Variants in TEX9 observed in about 807,000 individuals in gnomAD.
TEX9 encodes testis-expressed protein 9.
Under a neutral mutation model 59.6 loss-of-function variants are expected in TEX9, and 74 were observed. That is an observed-to-expected ratio of 1.24 (90% CI 1.03 to 1.51). The LOEUF is 1.51. Ranked by LOEUF, TEX9 falls within the 40% of genes most tolerant of loss-of-function variation. The pLI, the probability that TEX9 is intolerant of heterozygous loss-of-function variation, is 0.00. For missense variants in TEX9, 522 were observed against 447.8 expected (o/e 1.17, Z -1.49); for synonymous variants, 186 against 152.2 (o/e 1.22, Z -1.64).
chr15:56,428,625 T>TTTAAG (rs1329205101), intron 12 of TEX9: 3 of 489,544 alleles, frequency 6.1e-6, no homozygotes, highest in African/African-American at 3.9e-5. Flanking sequence ...TGAGTTGTTT[T>TTTAAG]TTAAGTTCTT....
rs965956208 is a variant in TEX9, at chr15:56,271,636, A to T, written c.-107+27358A>T. ...TATCCCAGGAAATGTTCCTATATTG[A>T]AGTCGTATTTTCTGATATTAATATT... On this transcript the variant is annotated intron_variant, in intron 1 of 5. Coordinates refer to the TEX9 transcript ENST00000560827. Among the ~76,000 whole-genome samples, 4 of 151,996 alleles carry T rather than the reference A, an allele frequency of 2.6e-5. No homozygotes were observed. The East Asian group carries it at 7.7e-4, about 29-fold the overall frequency.
upstream of TEX9, among the ~76,000 whole-genome samples, chr15:56,361,491 T>G (rs1258525928): frequency 6.6e-6 from 1 of 152,206 alleles, no homozygotes; most frequent in East Asian, 1.9e-4. Flanking sequence ...TTTGCAAATA[T>G]TTTGTGGGTG....
At chr15:56,364,458 TTTC>T (rs1340017235), upstream of TEX9, among the ~76,000 whole-genome samples, 1 of 133,984 alleles carries the variant, frequency 7.5e-6, no homozygotes, top group African/African-American at 2.7e-5. Context: ...CAGCCTCTTT[TTTC>T]TTTTCTTTTT....
chr15:56,454,814 T>C, the TEX9 span, among the ~76,000 whole-genome samples: 1 of 152,196 alleles, frequency 6.6e-6, no homozygotes, highest in East Asian at 1.9e-4. Flanking sequence ...TCTATCCTTT[T>C]GTCTCTCCAT....
At chr15:56,360,022 T>C (rs969802568) in intron 1 of TEX9, among the ~76,000 whole-genome samples, 1 of 152,184 alleles carries the variant, frequency 6.6e-6, no homozygotes, top group Admixed American at 6.5e-5. Context: ...CCTCTTGATG[T>C]GCTGAATTCA....
intron 10 of TEX9, among the ~76,000 whole-genome samples, chr15:56,427,267 A>C (rs1260007891): frequency 1.4e-5 from 2 of 141,642 alleles, no homozygotes; most frequent in East Asian, 2.1e-4. Context: ...CTACACCTTC[A>C]AATATACTTT....
chr15:56,275,665 AT>A (rs1332582758), intron 1 of TEX9, among the ~76,000 whole-genome samples: 1 of 151,932 alleles, frequency 6.6e-6, no homozygotes, highest in African/African-American at 2.4e-5. Flanking sequence ...GTTTGTCTAT[AT>A]TTTTTTAACC....
At chr15:56,394,013 CTG>C in intron 7 of TEX9, 150 bp from the exon 8 acceptor site, 1 of 545,562 alleles carries the variant, frequency 1.8e-6, no homozygotes, top group Non-Finnish European at 3.2e-6. Flanking sequence ...TTCATTAGGA[CTG>C]TTGAGTACCT....
At chr15:56,313,408 A>G (rs1320274805) in intron 1 of TEX9, among the ~76,000 whole-genome samples, 1 of 141,818 alleles carries the variant, frequency 7.1e-6, no homozygotes, top group East Asian at 2.0e-4. Context: ...TGAGATAATC[A>G]TGTGGTTTTT....
At chr15:56,457,256 CTTTTA>C in the TEX9 span, among the ~76,000 whole-genome samples, 5 of 152,152 alleles carry the variant, frequency 3.3e-5, no homozygotes, top group East Asian at 5.8e-4. Context: ...CTTTTTTTCT[CTTTTA>C]TATTTCCTGT....
intron 6 of TEX9, among the ~76,000 whole-genome samples, chr15:56,390,096 TA>T (rs1567116634): frequency 2.6e-5 from 4 of 151,616 alleles, no homozygotes; most frequent in African/African-American, 9.7e-5. Flanking sequence ...TTTTTTTTAA[TA>T]AAAGGGATGG....
chr15:56,391,557 G>A, intron 7 of TEX9, 139 bp downstream of exon 7: 1 of 529,754 alleles, frequency 1.9e-6, no homozygotes, highest in Non-Finnish European at 3.0e-6. Context: ...GTAGGATGTG[G>A]TGGAGGGAGG....
intron 1 of TEX9, among the ~76,000 whole-genome samples, chr15:56,314,985 T>C (rs1332695983): frequency 1.6e-4 from 24 of 151,416 alleles, no homozygotes; most frequent in African/African-American, 5.3e-4. Context: ...CTGCCTTTTT[T>C]TGTTTTCCAT....
At chr15:56,369,937 C>T (rs1431327415) in intron 2 of TEX9, among the ~76,000 whole-genome samples, 1 of 150,792 alleles carries the variant, frequency 6.6e-6, no homozygotes, top group African/African-American at 2.4e-5. Context: ...TCTTGTTTGA[C>T]TTATTTAAAT....
At position 56,375,820 on chromosome 15, in the gene TEX9, C is replaced by T. The variant is rs2047417469; in HGVS notation, c.183+2316C>T. ...ACAATAGCAAAGACTTGGAACCAAC[C>T]CAAATGTCCAACAATGATAGACTGG... On this transcript the variant is annotated intron_variant, in intron 3 of 12. Coordinates refer to ENST00000352903, the Ensembl canonical transcript of TEX9. 2.0e-5 allele frequency among the ~76,000 whole-genome samples: 3 copies of T among 150,972 alleles called. No individual in the cohort carries two copies. The South Asian group carries it at 6.3e-4, about 32-fold the overall frequency.
intron 1 of TEX9, among the ~76,000 whole-genome samples, chr15:56,300,708 G>GAGAGAGAGAGGGAGA (rs2045331855): frequency 8.8e-5 from 9 of 102,636 alleles, no homozygotes; most frequent in Admixed American, 2.0e-4. Flanking sequence ...AGAGAGAGAG[G>GAGAGAGAGAGGGAGA]GAGAGAGAGA....
At chr15:56,380,262 C>T (rs574643465) in intron 3 of TEX9, among the ~76,000 whole-genome samples, 25 of 152,202 alleles carry the variant, frequency 1.6e-4, no homozygotes, top group Admixed American at 5.9e-4. Flanking sequence ...GACAACTTGA[C>T]GCTGATTGCA....
rs545670114 is a variant in TEX9 at position 56,284,337 on chromosome 15, T to C, written c.-107+40059T>C. On this transcript the variant is annotated intron_variant, in intron 1 of 5. Coordinates refer to the TEX9 transcript ENST00000560827. Reference sequence around the variant, plus strand: ...TATCCTAAAGAAGTAATCCTAAATATTTTATTAAAACTTTGTGCATAAAAA... The same window carrying C: ...TATCCTAAAGAAGTAATCCTAAATACTTTATTAAAACTTTGTGCATAAAAA... Among the ~76,000 whole-genome samples, 3 of 152,258 alleles carry C rather than the reference T, an allele frequency of 2.0e-5. No individual in the cohort carries two copies. The South Asian group carries it at 6.2e-4, about 32-fold the overall frequency.
At chr15:56,334,044 T>C (rs2046210944) in intron 1 of TEX9, among the ~76,000 whole-genome samples, 1 of 152,184 alleles carries the variant, frequency 6.6e-6, no homozygotes, top group African/African-American at 2.4e-5. Context: ...TATTTCATGT[T>C]TATAAATTGA....
Sources: gnomAD v4.1 joint callset for allele counts (sites outside exome capture counted in the v4.1 genomes callset) on GRCh38, gnomAD v4.1.1 for gene constraint, MANE v1.5 for transcripts, NCBI Gene and HGNC (gene_info 2026-07-23, HGNC 2026-07-21) for gene names.